Variants in LHFPL6 observed in about 807,000 individuals in gnomAD.
LHFPL6 encodes LHFPL tetraspan subfamily member 6, also known as LHFPL tetraspan subfamily member 6 protein.
In LHFPL6, 9 loss-of-function variants were observed where a neutral mutation model predicts 20.6. The observed-to-expected ratio is 0.44, with a 90% CI of 0.26 to 0.76. The LOEUF is 0.76. Among genes scored for constraint, LHFPL6 ranks in the 30% least tolerant of loss-of-function variants. The pLI, the probability that LHFPL6 is intolerant of heterozygous loss-of-function variation, is 0.20. For missense variants in LHFPL6, 218 were observed against 253.5 expected (o/e 0.86, Z 0.95); for synonymous variants, 105 against 98.7 (o/e 1.06, Z -0.38).
intron 2 of LHFPL6, among the ~76,000 whole-genome samples, chr13:39,584,423 A>C (rs1310880781): frequency 6.7e-6 from 1 of 149,962 alleles, no homozygotes; most frequent in Admixed American, 6.7e-5. Flanking sequence ...GCTACTCAGG[A>C]GGCTGAGGCA....
intron 2 of LHFPL6, among the ~76,000 whole-genome samples, chr13:39,474,142 G>T (rs912717271): frequency 1.3e-5 from 2 of 152,086 alleles, no homozygotes; most frequent in African/African-American, 4.8e-5. Flanking sequence ...ATATTTTATG[G>T]GTATGCCTTT....
chr13:39,592,457 C>A (rs1872636940), intron 2 of LHFPL6, among the ~76,000 whole-genome samples: 2 of 152,190 alleles, frequency 1.3e-5, no homozygotes, highest in South Asian at 2.1e-4. Context: ...CAATAACAGG[C>A]TCTGAAATTG....
intron 2 of LHFPL6, among the ~76,000 whole-genome samples, chr13:39,486,732 G>C (rs1354178057): frequency 6.6e-6 from 1 of 152,158 alleles, no homozygotes; most frequent in Non-Finnish European, 1.5e-5. Context: ...CCTCCTTTTA[G>C]AATAAAGGAA....
At chr13:39,500,293 C>T (rs4943669) in intron 2 of LHFPL6, among the ~76,000 whole-genome samples, 100,260 of 152,030 alleles carry the variant, frequency 0.66, 33,287 homozygotes, top group East Asian at 0.85. Context: ...CAGCCTCGAC[C>T]TCCTGGGCTC....
chr13:39,389,645 A>T lies in LHFPL6; in HGVS notation c.386-11119T>A, dbSNP rs1447827160. 1.3e-5 allele frequency among the ~76,000 whole-genome samples: 2 copies of T among 152,268 alleles called. 1 individual carries two copies. Among genetic ancestry groups the T allele is most frequent in the South Asian group, 4.1e-4 (2 of 4,824 alleles). Reference sequence around the variant, plus strand: ...GATGGTGTGACCATCAGAGCAACGCACACCAATTCCCCGGTGTGTGGCAGA... The same window carrying T: ...GATGGTGTGACCATCAGAGCAACGCTCACCAATTCCCCGGTGTGTGGCAGA... On this transcript the variant is annotated intron_variant, in intron 2 of 3. Coordinates refer to ENST00000379589, the MANE Select transcript of LHFPL6 (RefSeq NM_005780.3).
intron 2 of LHFPL6, among the ~76,000 whole-genome samples, chr13:39,530,627 G>A (rs1339633938): frequency 6.6e-6 from 1 of 152,092 alleles, no homozygotes; most frequent in African/African-American, 2.4e-5. Flanking sequence ...AATAACCATT[G>A]GATGAACCTC....
chr13:39,348,140 A>G (rs2138334361), intron 3 of LHFPL6, among the ~76,000 whole-genome samples: 1 of 152,320 alleles, frequency 6.6e-6, no homozygotes, highest in Non-Finnish European at 1.5e-5. Context: ...AGTCAATAAA[A>G]TAGCAGAAGT....
rs938295905 is a variant in LHFPL6, at chr13:39,457,272, G to A, written c.386-78746C>T. ...CAAATAGCTTGTATCTACAATATACGAAGAACTCTTATAATTCAAGAAGAC... is the reference window on the plus strand; with the variant it reads ...CAAATAGCTTGTATCTACAATATACAAAGAACTCTTATAATTCAAGAAGAC... On this transcript the variant is annotated intron_variant, in intron 2 of 3. Transcript: ENST00000379589. Among the ~76,000 whole-genome samples, 8 of 152,060 alleles carry A rather than the reference G, an allele frequency of 5.3e-5. No homozygotes were observed. The East Asian group carries it at 5.8e-4, about 11-fold the overall frequency.
intron 2 of LHFPL6, among the ~76,000 whole-genome samples, chr13:39,469,510 A>G (rs1309776219): frequency 6.6e-6 from 1 of 152,208 alleles, no homozygotes; most frequent in Admixed American, 6.5e-5. Context: ...ACACCTGGGC[A>G]TGACCCCCAA....
chr13:39,351,769 T>G lies in LHFPL6; in HGVS notation c.485-7715A>C, dbSNP rs369789358. Among the ~76,000 whole-genome samples, 55 of 152,362 alleles carry G rather than the reference T, an allele frequency of 3.6e-4. No homozygotes were observed. In the East Asian group the frequency reaches 0.01, roughly 29 times the overall value. On this transcript the variant is annotated intron_variant, in intron 3 of 3. Transcript: ENST00000379589. The stretch of plus-strand genomic sequence containing the variant: ...GTCCCAGCAGCCATAGTTCAACCAC[T>G]CATATACTGCTGAGTGTTCAAACTA...
At chr13:39,556,376 G>A (rs61954151) in intron 2 of LHFPL6, among the ~76,000 whole-genome samples, 2 of 152,142 alleles carry the variant, frequency 1.3e-5, no homozygotes, top group Admixed American at 6.5e-5. Context: ...TGACCAAAAC[G>A]CTGATAGAAA....
chr13:39,501,348 G>A (rs1000637427), intron 2 of LHFPL6, among the ~76,000 whole-genome samples: 10 of 151,990 alleles, frequency 6.6e-5, no homozygotes, highest in South Asian at 2.1e-4. Flanking sequence ...ATTACTTTGC[G>A]CTACAGTGTT....
At position 39,520,702 on chromosome 13, in the gene LHFPL6, G is replaced by A. The variant is rs181629798; in HGVS notation, c.385+80130C>T. ...CATGTCACGGCCAGACAACAACAGC[G>A]ATGGCATCGCTGAGCTGAAGAGCAT... On this transcript the variant is annotated intron_variant, in intron 2 of 3. Transcript: ENST00000379589. Among the ~76,000 whole-genome samples the A allele has an allele frequency of 2.3e-4, 35 of 152,252 alleles. No homozygotes were observed. In the East Asian group the frequency reaches 5.8e-3, roughly 25 times the overall value.
chr13:39,595,134 T>C (rs1016085355), intron 2 of LHFPL6, among the ~76,000 whole-genome samples: 1 of 152,000 alleles, frequency 6.6e-6, no homozygotes, highest in Non-Finnish European at 1.5e-5. Flanking sequence ...AATAAATAAA[T>C]AAATAAAAAT....
intron 2 of LHFPL6, among the ~76,000 whole-genome samples, chr13:39,492,844 C>A (rs1274694883): frequency 2.6e-5 from 4 of 151,880 alleles, no homozygotes. Context: ...CCACGTCCAG[C>A]TAATTTTGTA....
chr13:39,460,670 A>T (rs1330541163), intron 2 of LHFPL6, among the ~76,000 whole-genome samples: 1 of 152,054 alleles, frequency 6.6e-6, no homozygotes, highest in African/African-American at 2.4e-5. Flanking sequence ...AATGACTTGA[A>T]CTCCTAACAG....
At chr13:39,592,018 C>T (rs540154623) in intron 2 of LHFPL6, among the ~76,000 whole-genome samples, 10 of 151,976 alleles carry the variant, frequency 6.6e-5, no homozygotes, top group African/African-American at 2.2e-4. Context: ...ATCGCTTGAA[C>T]CTACGAGGCA....
At chr13:39,506,597 C>A (rs1869492488) in intron 2 of LHFPL6, among the ~76,000 whole-genome samples, 1 of 151,934 alleles carries the variant, frequency 6.6e-6, no homozygotes, top group Non-Finnish European at 1.5e-5. Context: ...TAATAAGGGC[C>A]ACCGCCACTC....
At position 39,360,683 on chromosome 13, in the gene LHFPL6, G is replaced by A. The variant is rs569657910; in HGVS notation, c.485-16629C>T. 5.4e-5 allele frequency among the ~76,000 whole-genome samples: 5 copies of A among 93,288 alleles called. 1 individual carries two copies. Among genetic ancestry groups the A allele is most frequent in the African/African-American group, 1.6e-4 (5 of 31,872 alleles). The allele number at this position is 93,288 out of a possible 152,430, so 61.2% of individuals were successfully genotyped here. A position where few individuals can be genotyped will look rare whatever the true frequency, so the allele number is the denominator to read the frequency against. ...AGCTCTACAGAGACATGCATTAGAG[G>A]GCAATGACCAGCTGTTCAAACGCTA... On this transcript the variant is annotated intron_variant, in intron 3 of 3. Coordinates refer to ENST00000379589, the MANE Select transcript of LHFPL6 (RefSeq NM_005780.3).
Sources: gnomAD v4.1 joint callset for allele counts (sites outside exome capture counted in the v4.1 genomes callset) on GRCh38, gnomAD v4.1.1 for gene constraint, MANE v1.5 for transcripts, NCBI Gene and HGNC (gene_info 2026-07-23, HGNC 2026-07-21) for gene names.